The following DOCK3 variants were observed in gnomAD, a reference collection of about 807,000 sequenced individuals.
DOCK3 encodes dedicator of cytokinesis 3.
A neutral mutation model predicts 265.6 loss-of-function variants in DOCK3; 60 were observed. The ratio of observed to expected loss-of-function variants is 0.23; its 90% CI spans 0.18 to 0.28. The LOEUF (loss-of-function observed/expected upper bound fraction) is 0.28. Among genes scored for constraint, DOCK3 ranks in the 10% least tolerant of loss-of-function variants. DOCK3 has a pLI of 1.00. For missense variants in DOCK3, 1,981 were observed against 2,594.3 expected (o/e 0.76, Z 5.14); for synonymous variants, 881 against 938.0 (o/e 0.94, Z 1.11).
chr3:50,970,648 A>G (rs1433148988), intron 5 of DOCK3, among the ~76,000 whole-genome samples: 1 of 149,214 alleles, frequency 6.7e-6, no homozygotes, highest in African/African-American at 2.5e-5. Flanking sequence ...CTCTTCAGTA[A>G]ATTTTTCATT....
intron 2 of DOCK3, among the ~76,000 whole-genome samples, chr3:50,836,553 C>T (rs1250522264): frequency 6.6e-6 from 1 of 152,194 alleles, no homozygotes; most frequent in East Asian, 1.9e-4. Flanking sequence ...CCTTAGGCTG[C>T]ACACAGCAGT....
chr3:50,767,186 G>C (rs529133309), intron 1 of DOCK3, among the ~76,000 whole-genome samples: 1 of 152,096 alleles, frequency 6.6e-6, no homozygotes, highest in African/African-American at 2.4e-5. Flanking sequence ...GACTTGAAGT[G>C]CTTGCCCATG....
chr3:51,193,929 T>C (rs1235699115), intron 12 of DOCK3, among the ~76,000 whole-genome samples: 2 of 151,876 alleles, frequency 1.3e-5, no homozygotes, highest in African/African-American at 2.4e-5. Flanking sequence ...TTCATTTTGC[T>C]CTTTTCTTCT....
At chr3:50,757,452 G>A (rs1166670052) in intron 1 of DOCK3, among the ~76,000 whole-genome samples, 1 of 152,110 alleles carries the variant, frequency 6.6e-6, no homozygotes, top group African/African-American at 2.4e-5. Context: ...GATTACAGGC[G>A]TGAGCCACTG....
chr3:51,035,338 C>G (rs1397613707), intron 5 of DOCK3, among the ~76,000 whole-genome samples: 1 of 152,092 alleles, frequency 6.6e-6, no homozygotes, highest in Non-Finnish European at 1.5e-5. Flanking sequence ...TTCACCAACT[C>G]TTTCGTCATT....
At chr3:50,846,742 G>A (rs764242105) in intron 3 of DOCK3, among the ~76,000 whole-genome samples, 4 of 152,026 alleles carry the variant, frequency 2.6e-5, no homozygotes, top group Admixed American at 6.5e-5. Context: ...GGGATCTTGT[G>A]TGTTTTCAGG....
intron 5 of DOCK3, among the ~76,000 whole-genome samples, chr3:50,961,786 C>T (rs1172467565): frequency 1.3e-5 from 2 of 152,148 alleles, no homozygotes; most frequent in Admixed American, 6.5e-5. Context: ...AATTTATCCC[C>T]TTACCTATCT....
intron 2 of DOCK3, among the ~76,000 whole-genome samples, chr3:50,822,001 A>G (rs1366919365): frequency 6.6e-6 from 1 of 152,090 alleles, no homozygotes; most frequent in African/African-American, 2.4e-5. Flanking sequence ...CCTTTTTTTA[A>G]TTCCATATGA....
At chr3:50,968,414 T>G (rs2108444476) in intron 5 of DOCK3, among the ~76,000 whole-genome samples, 3 of 152,300 alleles carry the variant, frequency 2.0e-5, no homozygotes. Flanking sequence ...GTCTGAGCTT[T>G]TAGTGTAACT....
intron 48 of DOCK3, 109 bp downstream of exon 48, chr3:51,362,106 T>C: frequency 1.6e-5 from 22 of 1,388,208 alleles, no homozygotes; most frequent in Non-Finnish European, 2.1e-5. Flanking sequence ...ATTCTCTAGC[T>C]CCTGAATTCA....
At chr3:51,244,779 A>T (rs13064149) in intron 21 of DOCK3, among the ~76,000 whole-genome samples, 2 of 152,216 alleles carry the variant, frequency 1.3e-5, no homozygotes, top group South Asian at 2.1e-4. Context: ...AAATGCTTTC[A>T]GTCTTTTACC....
chr3:50,920,879 G>C (rs529254897), intron 4 of DOCK3, among the ~76,000 whole-genome samples: 3 of 152,124 alleles, frequency 2.0e-5, no homozygotes, highest in African/African-American at 7.2e-5. Context: ...TTCTCTTGTG[G>C]GCATTTAGTG....
intron 22 of DOCK3, among the ~76,000 whole-genome samples, chr3:51,250,284 A>T (rs2079135197): frequency 1.7e-5 from 1 of 58,362 alleles, no homozygotes; most frequent in East Asian, 3.1e-4. Flanking sequence ...AAAAAAAAAA[A>T]AATTAAAAAA....
chr3:51,009,314 A>G (rs1385809417), intron 5 of DOCK3, among the ~76,000 whole-genome samples: 1 of 152,162 alleles, frequency 6.6e-6, no homozygotes, highest in Non-Finnish European at 1.5e-5. Context: ...TGGTCTATTC[A>G]GAGATTCAAC....
At chr3:51,187,802 C>CT (rs1200716134) in intron 12 of DOCK3, among the ~76,000 whole-genome samples, 21 of 140,018 alleles carry the variant, frequency 1.5e-4, no homozygotes, top group Admixed American at 1.4e-3. Context: ...ATATGACTTG[C>CT]TCCTTCTTGC....
chr3:51,009,418 G>A (rs1251065204), intron 5 of DOCK3, among the ~76,000 whole-genome samples: 1 of 152,164 alleles, frequency 6.6e-6, no homozygotes, highest in Admixed American at 6.6e-5. Flanking sequence ...GGTGTTTATA[G>A]TATTCTCTGA....
chr3:50,850,134 A>T (rs2046291002), intron 3 of DOCK3, among the ~76,000 whole-genome samples: 1 of 151,768 alleles, frequency 6.6e-6, no homozygotes, highest in African/African-American at 2.4e-5. Context: ...TAATCCCAGC[A>T]CTTTGGGAGG....
intron 9 of DOCK3, among the ~76,000 whole-genome samples, chr3:51,126,512 C>T (rs1367137089): frequency 2.0e-5 from 3 of 152,204 alleles, no homozygotes; most frequent in South Asian, 2.1e-4. Context: ...CGTCCTCCAG[C>T]GTCCTCACAT....
At chr3:50,680,468 C>T (rs1416905747) in intron 1 of DOCK3, among the ~76,000 whole-genome samples, 6 of 149,016 alleles carry the variant, frequency 4.0e-5, no homozygotes, top group Non-Finnish European at 1.5e-5. Flanking sequence ...CCCGTCTTGA[C>T]CTCTCAAAGT....
Sources: gnomAD v4.1 joint callset for allele counts (sites outside exome capture counted in the v4.1 genomes callset) on GRCh38, gnomAD v4.1.1 for gene constraint, MANE v1.5 for transcripts, NCBI Gene and HGNC (gene_info 2026-07-23, HGNC 2026-07-21) for gene names.